The following ERP44 variants were observed in gnomAD, a reference collection of about 807,000 sequenced individuals.
The protein encoded by ERP44 is endoplasmic reticulum protein 44.
ERP44 carries 25 observed loss-of-function variants against 53.4 expected under a neutral mutation model. The observed-to-expected ratio is 0.47, with a 90% confidence interval of 0.34 to 0.65. ERP44 has a LOEUF of 0.65. ERP44 is among the 30% of genes least tolerant of loss of function. The probability of loss-of-function intolerance (pLI) is 0.01; values close to 1 mark genes in which losing one functional copy is unlikely to be tolerated. For synonymous variants in ERP44, 145 were observed against 161.2 expected (o/e 0.90, Z 0.76); for missense variants, 338 against 493.2 (o/e 0.69, Z 2.98).
At position 99,979,403 on chromosome 9, in the gene ERP44, A is replaced by C. The variant is rs1218658003; in HGVS notation, c.*3209T>G. 6.6e-6 allele frequency: 1 copy of C among 151,318 alleles called. No homozygotes were observed. Among genetic ancestry groups the C allele is most frequent in the Admixed American group, 6.6e-5 (1 of 15,214 alleles). The allele number at this position is 151,318 out of a possible 1,614,324, so 9.4% of individuals were successfully genotyped here. A position where few individuals can be genotyped will look rare whatever the true frequency, so the allele number is the denominator to read the frequency against. Reference sequence around the variant, plus strand: ...TATTGTGAGCTTGAACATTTCAAACACTTCTATATTTCACTCTCCTCTCTG... The same window carrying C: ...TATTGTGAGCTTGAACATTTCAAACCCTTCTATATTTCACTCTCCTCTCTG... On this transcript the variant is annotated 3_prime_UTR_variant, in exon 12 of 12. Transcript: ENST00000262455.
intron 4 of ERP44, among the ~76,000 whole-genome samples, chr9:100,038,572 A>G (rs1479439837): frequency 6.6e-6 from 1 of 152,198 alleles, no homozygotes; most frequent in South Asian, 2.1e-4. Flanking sequence ...ACAGCAAGGA[A>G]GGAAAGAAGG....
chr9:100,029,327 C>T (rs1825749004), intron 4 of ERP44, among the ~76,000 whole-genome samples: 1 of 152,120 alleles, frequency 6.6e-6, no homozygotes, highest in Admixed American at 6.5e-5. Flanking sequence ...GCAACAACAA[C>T]GACAACAAAA....
chr9:100,022,112 T>G lies in ERP44; in HGVS notation c.401A>C (p.Asp134Ala). ...GTCACTTTTTTGTTGCCTGATGTAA[T>G]CTGCCAATGCTTTCACTGATCGCTG... ...RGQRSVKALA[D>A]YIRQQKSDPI... The change falls in exon 5 of 12, where the codon GAT (aspartate) becomes GCT (alanine). Residue 134 changes from aspartate to alanine, a missense_variant. Around this residue, in one of 3 missense-constraint regions of ERP44, gnomAD observed 224 missense variants for 301.4 expected, o/e 0.74. Coordinates refer to ENST00000262455, the MANE Select transcript of ERP44 (RefSeq NM_015051.3). 1 of 1,613,964 alleles carries G rather than the reference T, an allele frequency of 6.2e-7. No homozygotes were observed. The highest frequency in any genetic ancestry group is 8.5e-7 in the Non-Finnish European group (1 of 1,179,896).
intron 1 of ERP44, among the ~76,000 whole-genome samples, chr9:100,067,497 A>G (rs1826227894): frequency 6.6e-6 from 1 of 152,230 alleles, no homozygotes; most frequent in Non-Finnish European, 1.5e-5. Context: ...TCAGTGCTCA[A>G]TGGTGCCCAG....
In ERP44 at chr9:100,067,838, T is replaced by A. The variant is rs544366960; in HGVS notation, c.58-7666A>T. Among the ~76,000 whole-genome samples the A allele has an allele frequency of 5.8e-4, 86 of 149,050 alleles. No individual in the cohort carries two copies. In the East Asian group the frequency reaches 0.016, roughly 28 times the overall value. On this transcript the variant is annotated intron_variant, in intron 1 of 11. Coordinates refer to ENST00000262455, the MANE Select transcript of ERP44 (RefSeq NM_015051.3). The stretch of plus-strand genomic sequence containing the variant: ...CTGAGATGTGGGGAGCGTCTCTGCC[T>A]GGCCGCCCCGTCTGAGAAGTGAGGA...
At chr9:100,082,745 C>T (rs1484332880) in intron 1 of ERP44, among the ~76,000 whole-genome samples, 2 of 111,194 alleles carry the variant, frequency 1.8e-5, no homozygotes, top group Non-Finnish European at 3.5e-5. Context: ...ATATGGAGGG[C>T]CTACTGTAGG....
At position 99,988,860 on chromosome 9, in the gene ERP44, C is replaced by T. The variant is rs1486955720; in HGVS notation, c.1017-3791G>A. ...GCGCTTTTCCAATGATCTTAGCAAA[C>T]GGCACACCAGGAGATTATATCCCAC... On this transcript the variant is annotated intron_variant, in intron 10 of 11. Coordinates refer to ENST00000262455, the MANE Select transcript of ERP44 (RefSeq NM_015051.3). 2.6e-5 allele frequency among the ~76,000 whole-genome samples: 4 copies of T among 152,222 alleles called. No individual in the cohort carries two copies. In the East Asian group the frequency reaches 5.8e-4, roughly 22 times the overall value.
chr9:100,071,093 G>GTTTTTTTTT (rs34853838), intron 1 of ERP44, among the ~76,000 whole-genome samples: 1 of 119,584 alleles, frequency 8.4e-6, no homozygotes, highest in Non-Finnish European at 1.6e-5. Flanking sequence ...ATTATATAAG[G>GTTTTTTTTT]TTTTTTTTTT....
chr9:100,001,782 T>C (rs55801872), intron 10 of ERP44, among the ~76,000 whole-genome samples: 2,219 of 152,282 alleles, frequency 0.015, 58 homozygotes, highest in African/African-American at 0.051. Flanking sequence ...CCAGTCTCTG[T>C]CTTTTGACTG....
intron 1 of ERP44, among the ~76,000 whole-genome samples, chr9:100,076,601 A>C (rs141575352): frequency 6.6e-6 from 1 of 152,352 alleles, no homozygotes; most frequent in Non-Finnish European, 1.5e-5. Context: ...TGGAAGGAGA[A>C]ATGGCTAGAT....
intron 4 of ERP44, among the ~76,000 whole-genome samples, chr9:100,045,582 T>C (rs1564096883): frequency 6.6e-6 from 1 of 152,198 alleles, no homozygotes; most frequent in Admixed American, 6.5e-5. Context: ...TAGGGTTTTT[T>C]CCCAGGCAAT....
chr9:100,083,444 T>G (rs930079411), intron 1 of ERP44, among the ~76,000 whole-genome samples: 1 of 152,108 alleles, frequency 6.6e-6, no homozygotes, highest in East Asian at 1.9e-4. Context: ...GGGGTTGATA[T>G]CAGCTACAGC....
intron 10 of ERP44, among the ~76,000 whole-genome samples, chr9:99,988,888 C>T (rs893959701): frequency 2.0e-5 from 3 of 152,242 alleles, no homozygotes; most frequent in Non-Finnish European, 4.4e-5. Context: ...TATCCCACAC[C>T]TGGCTCAGTG....
At chr9:100,098,733 G>A (rs1261951814) in intron 1 of ERP44, 51 bp downstream of exon 1, 1 of 1,494,252 alleles carries the variant, frequency 6.7e-7, no homozygotes, top group African/African-American at 1.4e-5. Flanking sequence ...CTGGGCGAGG[G>A]CCGGAGGCCG....
chr9:100,088,476 A>G (rs1461758320), intron 1 of ERP44, among the ~76,000 whole-genome samples: 3 of 152,330 alleles, frequency 2.0e-5, no homozygotes, highest in Admixed American at 1.3e-4. Flanking sequence ...TGATGCTTAC[A>G]AACTACAACT....
chr9:99,983,804 G>T (rs1193095417), intron 11 of ERP44, among the ~76,000 whole-genome samples: 2 of 152,052 alleles, frequency 1.3e-5, no homozygotes, highest in African/African-American at 4.8e-5. Flanking sequence ...TTTTCAGTGA[G>T]ATATATGTTT....
chr9:100,059,720 T>C lies in ERP44; in HGVS notation c.130+380A>G, dbSNP rs78491924. ...CTAAAATAAAAAATAAAAAAAGTAC[T>C]GAGCTTAACTGGACCAATAACAATA... On this transcript the variant is annotated intron_variant, in intron 2 of 11. Transcript: ENST00000262455. Among the ~76,000 whole-genome samples, 337 of 151,876 alleles carry C rather than the reference T, an allele frequency of 2.2e-3. 1 individual carries two copies. Among genetic ancestry groups the C allele is most frequent in the Non-Finnish European group, 4.1e-3 (278 of 67,938 alleles).
chr9:100,085,132 T>G (rs796642880), intron 1 of ERP44, among the ~76,000 whole-genome samples: 1 of 152,398 alleles, frequency 6.6e-6, no homozygotes, highest in East Asian at 1.9e-4. Context: ...ACTTTTTTAT[T>G]CAAGACAATA....
chr9:100,075,628 T>C (rs575420645), intron 1 of ERP44, among the ~76,000 whole-genome samples: 2 of 152,296 alleles, frequency 1.3e-5, no homozygotes, highest in Admixed American at 1.3e-4. Flanking sequence ...GACTTAAATT[T>C]AGGGACGTTC....
Sources: gnomAD v4.1 joint callset for allele counts (sites outside exome capture counted in the v4.1 genomes callset) on GRCh38, gnomAD v4.1.1 for gene constraint, gnomAD v4.1.1 regional missense constraint, MANE v1.5 for transcripts, NCBI Gene and HGNC (gene_info 2026-07-23, HGNC 2026-07-21) for gene names.